TRPM6: variants seen among roughly 807,000 people sequenced by gnomAD.
TRPM6 encodes transient receptor potential cation channel subfamily M member 6.
TRPM6 carries 111 observed loss-of-function variants against 247.6 expected under a neutral mutation model. The observed-to-expected ratio is 0.45, with a 90% CI of 0.38 to 0.52. TRPM6 has a LOEUF of 0.52. TRPM6 is among the 20% of genes least tolerant of loss of function. The pLI is 0.00. For synonymous variants in TRPM6, 892 were observed against 853.8 expected (o/e 1.04, Z -0.78); for missense variants, 2,126 against 2,421.5 (o/e 0.88, Z 2.56).
chr9:74,810,924 G>A (rs1828708742), intron 12 of TRPM6, 56 bp from the exon 13 acceptor site: 25 of 1,457,406 alleles, frequency 1.7e-5, no homozygotes, highest in Non-Finnish European at 1.2e-5. Flanking sequence ...GTGCTGGGGG[G>A]TAAAACCTTT....
intron 3 of TRPM6, among the ~76,000 whole-genome samples, chr9:74,851,999 T>C (rs1290844541): frequency 4.6e-5 from 7 of 151,180 alleles, no homozygotes; most frequent in Non-Finnish European, 8.8e-5. Flanking sequence ...CCAGACACAG[T>C]GGTACATGCC....
chr9:74,811,605 A>T (rs1221942589), intron 12 of TRPM6, among the ~76,000 whole-genome samples: 1 of 152,206 alleles, frequency 6.6e-6, no homozygotes, highest in Non-Finnish European at 1.5e-5. Context: ...AATAAAAGGT[A>T]ATTTGTTCTT....
intron 6 of TRPM6, among the ~76,000 whole-genome samples, chr9:74,831,201 T>C (rs1213492062): frequency 6.6e-6 from 1 of 152,094 alleles, no homozygotes; most frequent in Admixed American, 6.6e-5. Flanking sequence ...GCTAATACTA[T>C]GTCTCACTGA....
intron 18 of TRPM6, among the ~76,000 whole-genome samples, chr9:74,794,952 TC>T (rs34847431): frequency 0.2 from 29,528 of 147,796 alleles, 3,094 homozygotes; most frequent in South Asian, 0.24. Flanking sequence ...CAATAAGTCT[TC>T]CCCCCATATC....
chr9:74,737,507 AT>A, intron 36 of TRPM6: 2 of 1,015,900 alleles, frequency 2.0e-6, no homozygotes, highest in Non-Finnish European at 2.7e-6. Flanking sequence ...AAACCATAAG[AT>A]GGTTATACCC....
At chr9:74,753,460 C>T (rs1295290580) in intron 28 of TRPM6, among the ~76,000 whole-genome samples, 1 of 152,088 alleles carries the variant, frequency 6.6e-6, no homozygotes, top group Non-Finnish European at 1.5e-5. Context: ...CTTTAGGAGG[C>T]CAAGACAGGA....
At chr9:74,856,585 C>T (rs1007910950) in intron 2 of TRPM6, among the ~76,000 whole-genome samples, 1 of 152,024 alleles carries the variant, frequency 6.6e-6, no homozygotes, top group African/African-American at 2.4e-5. Context: ...AACTAATATT[C>T]AGGACTTTTA....
intron 11 of TRPM6, among the ~76,000 whole-genome samples, chr9:74,815,989 T>C (rs766171460): frequency 1.3e-5 from 2 of 152,230 alleles, no homozygotes; most frequent in Non-Finnish European, 2.9e-5. Flanking sequence ...TGTGAGCACC[T>C]ACTACATTTT....
intron 20 of TRPM6, among the ~76,000 whole-genome samples, chr9:74,787,084 C>T (rs537439366): frequency 4.6e-5 from 7 of 151,702 alleles, no homozygotes; most frequent in African/African-American, 7.3e-5. Flanking sequence ...CCTGTAATCC[C>T]GACACTTTGG....
chr9:74,769,902 T>A (rs1450686804), intron 25 of TRPM6, among the ~76,000 whole-genome samples: 1 of 152,108 alleles, frequency 6.6e-6, no homozygotes, highest in Non-Finnish European at 1.5e-5. Flanking sequence ...AAGCTCCTAA[T>A]ACGAGTCTAT....
chr9:74,846,885 A>G (rs1830126741), intron 3 of TRPM6, among the ~76,000 whole-genome samples: 1 of 152,164 alleles, frequency 6.6e-6, no homozygotes, highest in African/African-American at 2.4e-5. Context: ...CACTTTTAAG[A>G]AATTATCTTC....
At chr9:74,794,660 C>T (rs972149680) in intron 18 of TRPM6, among the ~76,000 whole-genome samples, 9 of 152,074 alleles carry the variant, frequency 5.9e-5, no homozygotes, top group Non-Finnish European at 1.3e-4. Context: ...AGGAGTGTTT[C>T]ATTAGCTCTT....
chr9:74,849,155 A>G (rs7873280), intron 3 of TRPM6, among the ~76,000 whole-genome samples: 100,455 of 151,894 alleles, frequency 0.66, 34,028 homozygotes, highest in African/African-American at 0.81. Flanking sequence ...TTCGAGACCA[A>G]CCTGGCCAAC....
intron 5 of TRPM6, among the ~76,000 whole-genome samples, chr9:74,835,481 C>T (rs1362363671): frequency 1.3e-5 from 2 of 152,070 alleles, no homozygotes; most frequent in African/African-American, 2.4e-5. Context: ...TTTATATGCA[C>T]AAATATTTCA....
chr9:74,803,733 G>T, intron 15 of TRPM6, 61 bp downstream of exon 15: 2 of 1,167,822 alleles, frequency 1.7e-6, no homozygotes, highest in Admixed American at 3.4e-5. Flanking sequence ...TGTAAATGAA[G>T]AAACAGTCTC....
chr9:74,812,235 G>A, intron 12 of TRPM6, 64 bp downstream of exon 12: 1 of 1,606,692 alleles, frequency 6.2e-7, no homozygotes, highest in Non-Finnish European at 8.5e-7. Flanking sequence ...TGCATGGTCT[G>A]CTTGATGATC....
At chr9:74,776,840 T>G (rs1347108542) in intron 23 of TRPM6, among the ~76,000 whole-genome samples, 1 of 152,188 alleles carries the variant, frequency 6.6e-6, no homozygotes, top group East Asian at 1.9e-4. Context: ...CTAACAAAAT[T>G]TAGTTTCTTT....
chr9:74,793,631 A>T (rs1026182543), intron 18 of TRPM6, among the ~76,000 whole-genome samples: 4 of 152,238 alleles, frequency 2.6e-5, no homozygotes, highest in Non-Finnish European at 5.9e-5. Flanking sequence ...GCATACATTG[A>T]TGATGCATGG....
intron 1 of TRPM6, among the ~76,000 whole-genome samples, chr9:74,860,354 AT>A (rs977481118): frequency 4.0e-5 from 6 of 151,478 alleles, no homozygotes; most frequent in African/African-American, 9.7e-5. Context: ...TTATTTTTTT[AT>A]TTTTTTTGAG....
Sources: allele counts gnomAD v4.1 joint callset (sites outside exome capture counted in the v4.1 genomes callset), GRCh38; gene constraint gnomAD v4.1.1; transcripts MANE v1.5; gene names NCBI Gene and HGNC (gene_info 2026-07-23, HGNC 2026-07-21).